MACROD2: variants seen among roughly 807,000 people sequenced by gnomAD.
The protein encoded by MACROD2 is mono-ADP ribosylhydrolase 2.
Under a neutral mutation model 70.4 loss-of-function variants are expected in MACROD2, and 36 were observed. The observed-to-expected ratio is 0.51, with a 90% CI of 0.39 to 0.68. MACROD2 has a LOEUF of 0.68. MACROD2 is among the 30% of genes least tolerant of loss of function. The pLI, the probability that MACROD2 is intolerant of heterozygous loss-of-function variation, is 0.00. For synonymous variants in MACROD2, 172 were observed against 178.8 expected (o/e 0.96, Z 0.30); for missense variants, 496 against 538.4 (o/e 0.92, Z 0.78).
intron 8 of MACROD2, among the ~76,000 whole-genome samples, chr20:15,586,927 A>G (rs1418866180): frequency 1.3e-5 from 2 of 152,210 alleles, no homozygotes; most frequent in Non-Finnish European, 2.9e-5. Context: ...CCTGAAGTTT[A>G]CAAAGAAAGA....
In MACROD2 at chr20:14,340,468, G is replaced by A. The variant is rs575573427; in HGVS notation, c.272-153011G>A. ...TAAGAATGGGAGAAGAATACACAAAGGGAGGTAGTACAGGGCCAATAACAG... is the reference window on the plus strand; with the variant it reads ...TAAGAATGGGAGAAGAATACACAAAAGGAGGTAGTACAGGGCCAATAACAG... On this transcript the variant is annotated intron_variant, in intron 3 of 17. Transcript: ENST00000684519. 2.0e-5 allele frequency among the ~76,000 whole-genome samples: 3 copies of A among 152,206 alleles called. No homozygotes were observed. In the South Asian group the frequency reaches 6.2e-4, roughly 32 times the overall value.
chr20:15,883,897 T>C (rs2147206174), intron 9 of MACROD2, among the ~76,000 whole-genome samples: 1 of 152,220 alleles, frequency 6.6e-6, no homozygotes, highest in Admixed American at 6.5e-5. Flanking sequence ...AGACCGATGT[T>C]TGAAAGAGAG....
At chr20:14,978,538 A>G (rs1315783744) in intron 5 of MACROD2, among the ~76,000 whole-genome samples, 1 of 151,920 alleles carries the variant, frequency 6.6e-6, no homozygotes, top group Non-Finnish European at 1.5e-5. Flanking sequence ...GTCATTGGTC[A>G]CAGTACATAT....
intron 8 of MACROD2, among the ~76,000 whole-genome samples, chr20:15,822,415 A>C (rs2063948548): frequency 6.6e-6 from 1 of 152,196 alleles, no homozygotes; most frequent in Non-Finnish European, 1.5e-5. Flanking sequence ...ATGGATAGTT[A>C]ATGAAATAGT....
intron 5 of MACROD2, among the ~76,000 whole-genome samples, chr20:15,098,128 C>G (rs955149192): frequency 6.6e-6 from 1 of 152,134 alleles, no homozygotes; most frequent in Non-Finnish European, 1.5e-5. Flanking sequence ...GGTTTCATGG[C>G]ACGAGATGCA....
At chr20:15,265,900 A>G (rs2077290235) in intron 6 of MACROD2, among the ~76,000 whole-genome samples, 1 of 152,332 alleles carries the variant, frequency 6.6e-6, no homozygotes, top group South Asian at 2.1e-4. Flanking sequence ...ATGACCCTCA[A>G]TAGCTTAATA....
intron 3 of MACROD2, among the ~76,000 whole-genome samples, chr20:14,256,882 G>C (rs549042948): frequency 2.0e-4 from 31 of 152,118 alleles, no homozygotes; most frequent in African/African-American, 7.5e-4. Context: ...GTATTTCTCT[G>C]ATGGCTTCTA....
At chr20:15,908,189 G>A (rs1431879634) in intron 10 of MACROD2, among the ~76,000 whole-genome samples, 1 of 152,102 alleles carries the variant, frequency 6.6e-6, no homozygotes. Flanking sequence ...GAAGGCATGC[G>A]CTAGACCAGT....
At chr20:15,033,818 A>G (rs1239161549) in intron 5 of MACROD2, among the ~76,000 whole-genome samples, 1 of 152,232 alleles carries the variant, frequency 6.6e-6, no homozygotes, top group Admixed American at 6.5e-5. Context: ...TGCAATATGC[A>G]TAAAATATCC....
At chr20:14,289,891 TGACC>T (rs2082372079) in intron 3 of MACROD2, among the ~76,000 whole-genome samples, 1 of 152,188 alleles carries the variant, frequency 6.6e-6, no homozygotes, top group Non-Finnish European at 1.5e-5. Flanking sequence ...AAAATATTTT[TGACC>T]TAAACAAATA....
At chr20:15,786,637 C>T (rs1018118948) in intron 8 of MACROD2, among the ~76,000 whole-genome samples, 2 of 151,976 alleles carry the variant, frequency 1.3e-5, no homozygotes, top group African/African-American at 2.4e-5. Context: ...AACTGAGGGA[C>T]GAGAGTAGAC....
intron 3 of MACROD2, among the ~76,000 whole-genome samples, chr20:14,112,666 AGATTCTAAAAAATCT>A (rs2054466706): frequency 6.6e-6 from 1 of 151,892 alleles, no homozygotes; most frequent in African/African-American, 2.4e-5. Context: ...CTACCTTTGT[AGATTCTAAAAAATCT>A]GGATGGTATT....
intron 4 of MACROD2, among the ~76,000 whole-genome samples, chr20:14,634,233 C>G: frequency 6.6e-6 from 1 of 152,226 alleles, no homozygotes; most frequent in East Asian, 1.9e-4. Context: ...ATGTCTGCCA[C>G]ATTACCAGCT....
At chr20:14,705,905 T>G (rs2123649197) in intron 5 of MACROD2, among the ~76,000 whole-genome samples, 1 of 152,028 alleles carries the variant, frequency 6.6e-6, no homozygotes, top group East Asian at 1.9e-4. Flanking sequence ...CTCTCTCTTT[T>G]TCTTCTCTTC....
intron 5 of MACROD2, among the ~76,000 whole-genome samples, chr20:15,071,969 T>A (rs986991479): frequency 3.1e-4 from 47 of 152,102 alleles, no homozygotes; most frequent in Non-Finnish European, 5.6e-4. Flanking sequence ...GTTTAAAAAA[T>A]TTTTTAAGGG....
chr20:14,969,543 A>C (rs551441897), intron 5 of MACROD2, among the ~76,000 whole-genome samples: 26 of 152,240 alleles, frequency 1.7e-4, no homozygotes, highest in African/African-American at 6.0e-4. Context: ...CATGAAATCT[A>C]GTAAAATGTT....
chr20:14,716,356 T>C (rs2071397140), intron 5 of MACROD2, among the ~76,000 whole-genome samples: 1 of 152,162 alleles, frequency 6.6e-6, no homozygotes, highest in South Asian at 2.1e-4. Context: ...TTCCTTACTC[T>C]TGCACTGTGG....
At chr20:15,647,178 T>C (rs1303474696) in intron 8 of MACROD2, among the ~76,000 whole-genome samples, 5 of 152,200 alleles carry the variant, frequency 3.3e-5, no homozygotes, top group African/African-American at 7.2e-5. Flanking sequence ...ATCTTAGAGT[T>C]CTCCTCTCCC....
intron 5 of MACROD2, among the ~76,000 whole-genome samples, chr20:14,704,128 T>C (rs1208078181): frequency 1.3e-5 from 2 of 152,200 alleles, no homozygotes; most frequent in African/African-American, 4.8e-5. Flanking sequence ...AGTATTTTCT[T>C]ATGATTTCTT....
Sources: gnomAD v4.1 joint callset for allele counts (sites outside exome capture counted in the v4.1 genomes callset) on GRCh38, gnomAD v4.1.1 for gene constraint, MANE v1.5 for transcripts, NCBI Gene and HGNC (gene_info 2026-07-23, HGNC 2026-07-21) for gene names.